Variants in SLC4A4 observed in about 807,000 individuals in gnomAD.
SLC4A4 encodes the protein solute carrier family 4 member 4, also known as electrogenic sodium bicarbonate cotransporter 1.
In SLC4A4, 27 loss-of-function variants were observed where a neutral mutation model predicts 111.5. The ratio of observed to expected loss-of-function variants is 0.24; its 90% confidence interval spans 0.18 to 0.33. The LOEUF is 0.33. Ranked by LOEUF, SLC4A4 falls within the 10% of genes least tolerant of loss-of-function variation. The pLI, the probability that SLC4A4 is intolerant of heterozygous loss-of-function variation, is 1.00. For missense variants in SLC4A4, 909 were observed against 1,315.5 expected (o/e 0.69, Z 4.78); for synonymous variants, 443 against 463.4 (o/e 0.96, Z 0.57).
chr4:71,072,626 A>G (rs564550273), intron 1 of SLC4A4, among the ~76,000 whole-genome samples: 15 of 151,634 alleles, frequency 9.9e-5, no homozygotes, highest in South Asian at 4.2e-4. Context: ...AATTATGTTG[A>G]TATTTTTATT....
At chr4:71,521,289 T>C (rs1057018471) in intron 16 of SLC4A4, among the ~76,000 whole-genome samples, 1 of 152,136 alleles carries the variant, frequency 6.6e-6, no homozygotes, top group Non-Finnish European at 1.5e-5. Flanking sequence ...TGGAGTGCGG[T>C]GGAGTAATCA....
chr4:71,220,796 C>T (rs1299798838), intron 1 of SLC4A4, among the ~76,000 whole-genome samples: 4 of 151,842 alleles, frequency 2.6e-5, no homozygotes, highest in African/African-American at 9.7e-5. Flanking sequence ...GAGTTTGTTG[C>T]ACGTATTATT....
At chr4:71,148,597 A>G (rs182994470) in intron 2 of SLC4A4, among the ~76,000 whole-genome samples, 9 of 151,966 alleles carry the variant, frequency 5.9e-5, no homozygotes, top group Non-Finnish European at 1.0e-4. Context: ...CCTTCTTTGC[A>G]TTCATGTGTT....
intron 3 of SLC4A4, among the ~76,000 whole-genome samples, chr4:71,296,944 A>G (rs57544595): frequency 0.031 from 4,694 of 152,318 alleles, 250 homozygotes; most frequent in African/African-American, 0.11. Flanking sequence ...CTGGAAAAAA[A>G]TCCTCTAATC....
At chr4:71,078,964 A>G (rs755337092) in intron 1 of SLC4A4, among the ~76,000 whole-genome samples, 37 of 152,148 alleles carry the variant, frequency 2.4e-4, no homozygotes, top group Admixed American at 1.1e-3. Context: ...GATTACAGGC[A>G]TGCATCACCA....
At position 71,086,538 on chromosome 4, in the gene SLC4A4, G is replaced by C. The variant is rs1410967213; in HGVS notation, c.-64-6192G>C. Among the ~76,000 whole-genome samples the C allele has an allele frequency of 3.9e-5, 6 of 151,974 alleles. No homozygotes were observed. The South Asian group carries it at 1.2e-3, about 32-fold the overall frequency. On this transcript the variant is annotated intron_variant, in intron 1 of 26. Coordinates refer to the SLC4A4 transcript ENST00000649996. ...CCCATTCAGTGTGATATTGGCTGTG[G>C]GTTTATCATAGATAGCTCTTATTAT...
chr4:71,139,595 CT>C (rs1232639167), intron 2 of SLC4A4, among the ~76,000 whole-genome samples: 1 of 152,202 alleles, frequency 6.6e-6, no homozygotes, highest in Non-Finnish European at 1.5e-5. Flanking sequence ...CCACATCCAT[CT>C]GCGAATGTCT....
chr4:71,358,468 G>A (rs996256676), intron 6 of SLC4A4, among the ~76,000 whole-genome samples: 1 of 152,114 alleles, frequency 6.6e-6, no homozygotes, highest in Non-Finnish European at 1.5e-5. Context: ...CTGGAAATGA[G>A]TTTTCTCTTA....
At chr4:71,375,851 C>T (rs915788986) in intron 6 of SLC4A4, among the ~76,000 whole-genome samples, 1 of 151,728 alleles carries the variant, frequency 6.6e-6, no homozygotes, top group Non-Finnish European at 1.5e-5. Flanking sequence ...GGAGTAGTGG[C>T]GGAGATCATG....
At chr4:71,343,040 T>C (rs1230747942) in intron 4 of SLC4A4, among the ~76,000 whole-genome samples, 1 of 152,162 alleles carries the variant, frequency 6.6e-6, no homozygotes, top group Non-Finnish European at 1.5e-5. Flanking sequence ...TTTCATATGG[T>C]CTCCCTCATT....
chr4:71,220,249 G>A (rs1718661665), intron 1 of SLC4A4, among the ~76,000 whole-genome samples: 1 of 152,196 alleles, frequency 6.6e-6, no homozygotes, highest in African/African-American at 2.4e-5. Context: ...GAAAGCTCTG[G>A]TGATTGTTAG....
Position 71,068,001 on chromosome 4 carries a change from C to T in SLC4A4, c.-65+5213C>T, listed in dbSNP as rs112808777. On this transcript the variant is annotated intron_variant, in intron 1 of 26. Coordinates refer to the SLC4A4 transcript ENST00000649996. ...TGGCCTCAAGCAATCCTCCTGCCTT[C>T]GCTTCCCATAGTGTTGGGATTATGG... Among the ~76,000 whole-genome samples the T allele has an allele frequency of 6.4e-3, 964 of 151,388 alleles. 14 individuals are homozygous for T. Among genetic ancestry groups the T allele is most frequent in the African/African-American group, 0.022 (917 of 41,266 alleles).
chr4:71,205,081 A>G (rs1578591881), intron 1 of SLC4A4, among the ~76,000 whole-genome samples: 1 of 152,288 alleles, frequency 6.6e-6, no homozygotes, highest in East Asian at 1.9e-4. Context: ...CTAGCAGACA[A>G]TACCTACATT....
intron 19 of SLC4A4, 40 bp downstream of exon 19, chr4:71,546,568 T>A: frequency 6.5e-7 from 1 of 1,536,240 alleles, no homozygotes; most frequent in Non-Finnish European, 9.0e-7. Context: ...GAAAACACAC[T>A]GTGCACACAT....
rs145187254 is a variant in SLC4A4 at position 71,218,931 on chromosome 4, G to A, written c.-1-17645G>A. 2.6e-3 allele frequency among the ~76,000 whole-genome samples: 391 copies of A among 152,286 alleles called. 1 individual carries two copies. The highest frequency in any genetic ancestry group is 9.1e-3 in the African/African-American group (378 of 41,544). ...CCTGTGTTTGGCAAGAAGGGACTATGCTGTCACTGGGAACATCCTTCTTCT... is the reference window on the plus strand; with the variant it reads ...CCTGTGTTTGGCAAGAAGGGACTATACTGTCACTGGGAACATCCTTCTTCT... On this transcript the variant is annotated intron_variant, in intron 1 of 25. Coordinates refer to ENST00000264485, the MANE Select transcript of SLC4A4 (RefSeq NM_001098484.3).
intron 13 of SLC4A4, 56 bp downstream of exon 13, chr4:71,466,633 T>C (rs1410017688): frequency 1.1e-5 from 16 of 1,518,136 alleles, no homozygotes; most frequent in Non-Finnish European, 2.7e-6. Context: ...AGAACCTTTA[T>C]AGGCTAGATA....
At chr4:71,536,465 C>CATATATACATATATACATAT (rs1491113972) in intron 18 of SLC4A4, among the ~76,000 whole-genome samples, 3 of 40,706 alleles carry the variant, frequency 7.4e-5, no homozygotes, top group Admixed American at 3.6e-4. Context: ...TACATATATA[C>CATATATACATATATACATAT]ATATATATAT....
chr4:71,480,366 AT>A, intron 14 of SLC4A4, among the ~76,000 whole-genome samples: 1 of 151,286 alleles, frequency 6.6e-6, no homozygotes, highest in East Asian at 2.0e-4. Context: ...AACTAAAAGG[AT>A]AATAAGAAAA....
chr4:71,126,777 C>G (rs570047761), intron 2 of SLC4A4, among the ~76,000 whole-genome samples: 150 of 152,270 alleles, frequency 9.9e-4, no homozygotes, highest in Non-Finnish European at 1.8e-3. Flanking sequence ...TCTTATGACT[C>G]AAAACATTTT....
Sources: gnomAD v4.1 joint callset for allele counts (sites outside exome capture counted in the v4.1 genomes callset) on GRCh38, gnomAD v4.1.1 for gene constraint, MANE v1.5 for transcripts, NCBI Gene and HGNC (gene_info 2026-07-23, HGNC 2026-07-21) for gene names.